The following RGP1 variants were observed in gnomAD, a reference collection of about 807,000 sequenced individuals.
RGP1 encodes RAB6A-GEF complex partner protein 2.
Under a neutral mutation model 44.5 loss-of-function variants are expected in RGP1, and 28 were observed. That is an observed-to-expected ratio of 0.63 (90% CI 0.47 to 0.86). RGP1 has a LOEUF of 0.86. Among genes scored for constraint, RGP1 ranks in the 40% least tolerant of loss-of-function variants. The pLI, the probability that RGP1 is intolerant of heterozygous loss-of-function variation, is 0.00. For missense variants in RGP1, 417 were observed against 490.7 expected, an observed-to-expected ratio of 0.85 and a Z score of 1.42; for synonymous variants, 212 against 196.7, an observed-to-expected ratio of 1.08 and a Z score of -0.65.
the RGP1 span, among the ~76,000 whole-genome samples, chr9:35,770,492 G>GGAGAGAGAGAGAGA: frequency 1.9e-3 from 205 of 107,070 alleles, 16 homozygotes; most frequent in African/African-American, 5.5e-3. Context: ...GTATTACCAT[G>GGAGAGAGAGAGAGA]GAGAGAGAGA....
Position 35,754,355 on chromosome 9 carries a change from GT to G in RGP1, c.*1484del, listed in dbSNP as rs1402379209. ...GTAGAGCTGGAAAAGTTGTAACTCT[GT>G]TTCCTGAGGTGAGGGCATGAAAACA... is the stretch of plus-strand genomic sequence containing the variant. On this transcript the variant is annotated 3_prime_UTR_variant, in exon 9 of 9. Coordinates refer to ENST00000378078, the MANE Select transcript of RGP1 (RefSeq NM_001080496.3). 6 of 446,560 alleles carry G rather than the reference GT, an allele frequency of 1.3e-5. No individual in the cohort carries two copies. Among genetic ancestry groups the G allele is most frequent in the Non-Finnish European group, 2.3e-5 (6 of 257,044 alleles). 27.7% of individuals were successfully genotyped at this position (446,560 alleles called of 1,614,324 possible). A position where few individuals can be genotyped will look rare whatever the true frequency, so the allele number is the denominator to read the frequency against.
Position 35,749,953 on chromosome 9 carries a change from T to A in RGP1, c.116+82T>A. ...TGGGGCTGAGGCAGAGCTCAGGTTG[T>A]CCTGTAGCGACACCACCTCCTCTTG... is the stretch of plus-strand genomic sequence containing the variant. On this transcript the variant is annotated intron_variant, in intron 2 of 8. Transcript: ENST00000378078. The surrounding 1 kb of genome is among the most constrained non-coding windows in gnomAD (Gnocchi z 4.4). The A allele has an allele frequency of 8.9e-7, 1 of 1,117,668 alleles. No individual in the cohort carries two copies. The highest frequency in any genetic ancestry group is 1.3e-6 in the Non-Finnish European group (1 of 757,348). The allele number at this position is 1,117,668 out of a possible 1,614,324, so 69.2% of individuals were successfully genotyped here.
At position 35,749,964 on chromosome 9, in the gene RGP1, C is replaced by A; in HGVS notation, c.116+93C>A. 1.0e-6 allele frequency: 1 copy of A among 1,002,690 alleles called. No individual in the cohort carries two copies. Among genetic ancestry groups the A allele is most frequent in the Non-Finnish European group, 1.5e-6 (1 of 658,032 alleles). 62.1% of individuals were successfully genotyped at this position (1,002,690 alleles called of 1,614,324 possible). Reference sequence around the variant, plus strand: ...CAGAGCTCAGGTTGTCCTGTAGCGACACCACCTCCTCTTGCTCACTGTGCT... The same window carrying A: ...CAGAGCTCAGGTTGTCCTGTAGCGAAACCACCTCCTCTTGCTCACTGTGCT... On this transcript the variant is annotated intron_variant, in intron 2 of 8. Transcript: ENST00000378078. This position sits in a 1 kb window ranked among gnomAD's most constrained non-coding sequence, Gnocchi z 4.4.
rs1374311915 is a variant in RGP1, at chr9:35,749,701, A to G, written c.-19-36A>G. On this transcript the variant is annotated intron_variant, in intron 1 of 8. Transcript: ENST00000378078. This position sits in a 1 kb window ranked among gnomAD's most constrained non-coding sequence, Gnocchi z 4.4. ...CTCACCGCAACGCCCCTCCCTGTCA[A>G]GGTGCTGACCTCCGCCCCGCCTTGT... 1 of 1,300,758 alleles carries G rather than the reference A, an allele frequency of 7.7e-7. No individual in the cohort carries two copies. The highest frequency in any genetic ancestry group is 1.1e-6 in the Non-Finnish European group (1 of 904,638). The allele number at this position is 1,300,758 out of a possible 1,614,324, so 80.6% of individuals were successfully genotyped here.
chr9:35,763,231 CCT>C (rs542967483), downstream of RGP1, among the ~76,000 whole-genome samples: 27 of 152,244 alleles, frequency 1.8e-4, no homozygotes, highest in South Asian at 4.8e-3. Context: ...CTGAGATTTC[CCT>C]GTTTAAGAAC....
chr9:35,767,221 C>T, the RGP1 span, among the ~76,000 whole-genome samples: 3 of 150,900 alleles, frequency 2.0e-5, no homozygotes, highest in Non-Finnish European at 4.4e-5. Flanking sequence ...ATCTCATGTT[C>T]CTGTTACTGT....
the RGP1 span, among the ~76,000 whole-genome samples, chr9:35,769,322 C>A: frequency 6.6e-6 from 1 of 152,226 alleles, no homozygotes; most frequent in African/African-American, 2.4e-5. Context: ...CAGCATCCAC[C>A]TGTTATCTCT....
Position 35,753,430 on chromosome 9 carries a change from TG to T in RGP1, c.*559del. 1 of 875,682 alleles carries T rather than the reference TG, an allele frequency of 1.1e-6. No individual in the cohort carries two copies. Among genetic ancestry groups the T allele is most frequent in the South Asian group, 1.8e-5 (1 of 56,166 alleles). The allele number at this position is 875,682 out of a possible 1,614,324, so 54.2% of individuals were successfully genotyped here. On this transcript the variant is annotated 3_prime_UTR_variant, in exon 9 of 9. Coordinates refer to ENST00000378078, the MANE Select transcript of RGP1 (RefSeq NM_001080496.3). This position sits in a 1 kb window ranked among gnomAD's most constrained non-coding sequence, Gnocchi z 4.2. ...TAACTAAGCTGTCACCTACCATATG[TG>T]GGCCTTTTTGTTTTATAACAGGAGT...
Position 35,752,200 on chromosome 9 carries a change from T to C in RGP1, c.952+55T>C, listed in dbSNP as rs1031670014. On this transcript the variant is annotated intron_variant, in intron 8 of 8. Coordinates refer to ENST00000378078, the MANE Select transcript of RGP1 (RefSeq NM_001080496.3). The stretch of plus-strand genomic sequence containing the variant: ...AGAGGGGGACAGTAAAATGCTGTGC[T>C]AAGGGAGGGTGTAATGGATCCTGAT... 6 of 1,459,364 alleles carry C rather than the reference T, an allele frequency of 4.1e-6. No individual in the cohort carries two copies. The African/African-American group carries it at 8.5e-5, about 21-fold the overall frequency. 90.4% of individuals were successfully genotyped at this position (1,459,364 alleles called of 1,614,324 possible).
the RGP1 span, among the ~76,000 whole-genome samples, chr9:35,766,288 A>C: frequency 1.3e-5 from 2 of 152,102 alleles, no homozygotes; most frequent in East Asian, 3.8e-4. Flanking sequence ...TATTTGGTGA[A>C]ATCTATTCAA....
chr9:35,776,672 A>G, the RGP1 span, among the ~76,000 whole-genome samples: 1 of 151,932 alleles, frequency 6.6e-6, no homozygotes, highest in Non-Finnish European at 1.5e-5. Context: ...AGTCAGCCCT[A>G]CAGTTCATCT....
the RGP1 span, among the ~76,000 whole-genome samples, chr9:35,767,846 A>G: frequency 6.6e-6 from 1 of 152,172 alleles, no homozygotes; most frequent in South Asian, 2.1e-4. Context: ...TCTGTCACCC[A>G]GGCTGGAGTG....
At chr9:35,771,930 T>A in the RGP1 span, among the ~76,000 whole-genome samples, 6 of 152,210 alleles carry the variant, frequency 3.9e-5, no homozygotes, top group Non-Finnish European at 7.3e-5. Context: ...TTTGCTCACT[T>A]TTTTTCTATT....
At chr9:35,768,895 A>C in the RGP1 span, among the ~76,000 whole-genome samples, 1 of 152,210 alleles carries the variant, frequency 6.6e-6, no homozygotes, top group Admixed American at 6.5e-5. Flanking sequence ...ATCAGATAGG[A>C]CTACGTTAAA....
downstream of RGP1, among the ~76,000 whole-genome samples, chr9:35,760,983 C>G (rs1827411883): frequency 6.6e-6 from 1 of 152,232 alleles, no homozygotes; most frequent in Non-Finnish European, 1.5e-5. Context: ...GCCATACTTC[C>G]TTTTCCCCAT....
chr9:35,789,707 G>T, the RGP1 span, among the ~76,000 whole-genome samples: 7 of 151,298 alleles, frequency 4.6e-5, no homozygotes, highest in East Asian at 1.9e-4. Context: ...AGGGCTGCAG[G>T]TGTTCCAGAG....
the RGP1 span, among the ~76,000 whole-genome samples, chr9:35,770,530 A>AGAGAGAGAGAGG: frequency 7.7e-6 from 1 of 129,526 alleles, no homozygotes; most frequent in Non-Finnish European, 1.7e-5. Context: ...AGAGAGAGAG[A>AGAGAGAGAGAGG]GAGAGAGAGT....
At chr9:35,764,797 A>G in the RGP1 span, among the ~76,000 whole-genome samples, 1 of 152,214 alleles carries the variant, frequency 6.6e-6, no homozygotes, top group Non-Finnish European at 1.5e-5. Context: ...TTAACTCAGC[A>G]CACTGTTTTT....
chr9:35,775,654 C>A, the RGP1 span, among the ~76,000 whole-genome samples: 1 of 152,192 alleles, frequency 6.6e-6, no homozygotes, highest in Non-Finnish European at 1.5e-5. Context: ...GGATATTGAA[C>A]TAAGTTGAAC....
Sources: allele counts gnomAD v4.1 joint callset (sites outside exome capture counted in the v4.1 genomes callset), GRCh38; gene constraint gnomAD v4.1.1; non-coding constraint Gnocchi (gnomAD v3.1); transcripts MANE v1.5; gene names NCBI Gene and HGNC (gene_info 2026-07-23, HGNC 2026-07-21).